FARP2: variants seen among roughly 807,000 people sequenced by gnomAD.
FARP2 encodes the protein FERM, ARH/RhoGEF and pleckstrin domain protein 2.
Under a neutral mutation model 130.5 loss-of-function variants are expected in FARP2, and 111 were observed. The ratio of observed to expected loss-of-function variants is 0.85; its 90% CI spans 0.73 to 1.00. FARP2 has a LOEUF of 1.00. FARP2 is among the 50% of genes least tolerant of loss of function. The pLI is 0.00. For synonymous variants in FARP2, 504 were observed against 516.9 expected (o/e 0.98, Z 0.34); for missense variants, 1,385 against 1,346.3 (o/e 1.03, Z -0.45).
intron 11 of FARP2, 96 bp downstream of exon 11, chr2:241,435,126 C>A (rs180848611): frequency 1.2e-4 from 79 of 668,744 alleles, no homozygotes; most frequent in Middle Eastern, 8.5e-4. Flanking sequence ...CTGAGTCTTG[C>A]TCCGTCACCT....
intron 2 of FARP2, among the ~76,000 whole-genome samples, chr2:241,390,611 G>T (rs1269607024): frequency 6.6e-6 from 1 of 152,028 alleles, no homozygotes; most frequent in Non-Finnish European, 1.5e-5. Context: ...TCTTTTTCCA[G>T]TCTCCTCTCA....
At chr2:241,357,202 T>A (rs2061088482) in intron 1 of FARP2, among the ~76,000 whole-genome samples, 1 of 152,248 alleles carries the variant, frequency 6.6e-6, no homozygotes, top group African/African-American at 2.4e-5. Context: ...GCCAAATCTT[T>A]AAAGGGTGGT....
At chr2:241,466,578 C>T (rs955601289) in intron 17 of FARP2, 21 of 985,226 alleles carry the variant, frequency 2.1e-5, no homozygotes, top group East Asian at 2.3e-4. Flanking sequence ...AGAAGCCTAG[C>T]GAGTGTGGAT....
chr2:241,436,294 T>C (rs1389308781), intron 11 of FARP2, among the ~76,000 whole-genome samples, 187 bp from the exon 12 acceptor site: 1 of 152,210 alleles, frequency 6.6e-6, no homozygotes, highest in Non-Finnish European at 1.5e-5. Flanking sequence ...ATCTTACCTC[T>C]CTTGGGACCT....
At chr2:241,477,436 C>A (rs2124865012) in intron 19 of FARP2, among the ~76,000 whole-genome samples, 1 of 152,214 alleles carries the variant, frequency 6.6e-6, no homozygotes, top group African/African-American at 2.4e-5. Context: ...CCTCATGTTC[C>A]TTTTTGTGGC....
At chr2:241,450,224 A>G (rs2063614748) in intron 13 of FARP2, among the ~76,000 whole-genome samples, 1 of 152,040 alleles carries the variant, frequency 6.6e-6, no homozygotes, top group South Asian at 2.1e-4. Flanking sequence ...ATAGCTGGGC[A>G]CAGTGACATG....
intron 2 of FARP2, among the ~76,000 whole-genome samples, chr2:241,402,378 G>A (rs2062191909): frequency 6.6e-6 from 1 of 152,058 alleles, no homozygotes; most frequent in African/African-American, 2.4e-5. Flanking sequence ...AAGAAATTTA[G>A]TATCTTTTTA....
At chr2:241,476,023 A>C (rs1005642807) in intron 19 of FARP2, 36 bp downstream of exon 19, 19 of 1,582,810 alleles carry the variant, frequency 1.2e-5, no homozygotes, top group Non-Finnish European at 1.6e-5. Context: ...TTTTTGAGCT[A>C]CTTTGGTTTT....
intron 9 of FARP2, among the ~76,000 whole-genome samples, chr2:241,432,713 T>C (rs1481828300): frequency 3.3e-5 from 5 of 152,272 alleles, no homozygotes; most frequent in African/African-American, 1.2e-4. Context: ...GCCTGTGCAG[T>C]GTATTTGGTA....
At chr2:241,436,344 C>A in intron 11 of FARP2, 137 bp from the exon 12 acceptor site, 5 of 708,626 alleles carry the variant, frequency 7.1e-6, no homozygotes, top group Non-Finnish European at 7.6e-6. Context: ...TTCTCCTGCC[C>A]CTTTCAAGTT....
In FARP2 at chr2:241,373,181, G is replaced by C; in HGVS notation, c.74G>C (p.Gly25Ala). The C allele has an allele frequency of 6.3e-7, 1 of 1,579,986 alleles. No homozygotes were observed. The highest frequency in any genetic ancestry group is 1.4e-5 in the African/African-American group (1 of 73,936). The change falls in exon 2 of 27, where the codon GGA (glycine) becomes GCA (alanine). Residue 25 changes from glycine (G) to alanine (A), a missense_variant. Physicochemically the swap from Gly to Ala is moderately conservative, Grantham distance 60. Transcript: ENST00000264042. ...GMRLGAQTPV[G>A]VSTLEPGQTL... ...CGCTTGGGTGCCCAGACCCCTGTGG[G>C]AGTTAGCACCCTTGAGCCTGGGCAG...
chr2:241,390,013 G>T (rs1427958377), intron 2 of FARP2, among the ~76,000 whole-genome samples: 1 of 152,106 alleles, frequency 6.6e-6, no homozygotes. Context: ...GCCCACACTT[G>T]GACCCTGCTA....
At chr2:241,470,368 G>A (rs576658630) in intron 18 of FARP2, among the ~76,000 whole-genome samples, 1 of 152,242 alleles carries the variant, frequency 6.6e-6, no homozygotes, top group East Asian at 1.9e-4. Context: ...TTTTCTGAGG[G>A]GACTCAGTTA....
intron 2 of FARP2, among the ~76,000 whole-genome samples, chr2:241,387,684 T>C (rs1238799119): frequency 1.3e-5 from 2 of 150,332 alleles, no homozygotes; most frequent in Non-Finnish European, 2.9e-5. Flanking sequence ...TCCCAGGTAC[T>C]CAGGAGGCTG....
intron 8 of FARP2, among the ~76,000 whole-genome samples, chr2:241,423,360 T>TA (rs1299098324): frequency 1.3e-5 from 2 of 152,156 alleles, no homozygotes; most frequent in Non-Finnish European, 2.9e-5. Flanking sequence ...CTGGCCAAAC[T>TA]AAACTTCATA....
At chr2:241,383,258 C>G (rs550718016) in intron 2 of FARP2, among the ~76,000 whole-genome samples, 63 of 152,318 alleles carry the variant, frequency 4.1e-4, no homozygotes, top group Admixed American at 7.8e-4. Context: ...CAACAGTGGA[C>G]AAGGTATACT....
chr2:241,494,182 A>T lies in FARP2; in HGVS notation c.*57A>T. ...CAAAGAACAGCAGGACACAGAGGTG[A>T]CCTCTGTCCTGAGGCTTCTCAACAG... is the stretch of plus-strand genomic sequence containing the variant. On this transcript the variant is annotated 3_prime_UTR_variant, in exon 27 of 27. Coordinates refer to ENST00000264042, the MANE Select transcript of FARP2 (RefSeq NM_014808.4). This position sits in a 1 kb window ranked among gnomAD's most constrained non-coding sequence, Gnocchi z 4.9. 1 of 1,106,652 alleles carries T rather than the reference A, an allele frequency of 9.0e-7. No individual in the cohort carries two copies. The allele number at this position is 1,106,652 out of a possible 1,614,324, so 68.6% of individuals were successfully genotyped here.
intron 7 of FARP2, among the ~76,000 whole-genome samples, chr2:241,413,641 C>T (rs900195890): frequency 3.3e-5 from 5 of 152,202 alleles, no homozygotes; most frequent in African/African-American, 1.2e-4. Flanking sequence ...CGATGTGCTG[C>T]TTTAGAAGGT....
At chr2:241,474,528 C>A (rs10184024) in intron 18 of FARP2, among the ~76,000 whole-genome samples, 1 of 151,318 alleles carries the variant, frequency 6.6e-6, no homozygotes, top group Non-Finnish European at 1.5e-5. Context: ...TGGTGGGTCA[C>A]GCTTATAATC....
Sources: allele counts gnomAD v4.1 joint callset (sites outside exome capture counted in the v4.1 genomes callset), GRCh38; gene constraint gnomAD v4.1.1; non-coding constraint Gnocchi (gnomAD v3.1); transcripts MANE v1.5; gene names NCBI Gene and HGNC (gene_info 2026-07-23, HGNC 2026-07-21).